The following PCDHGB7 variants were observed in gnomAD, a reference collection of about 807,000 sequenced individuals.
The protein encoded by PCDHGB7 is protocadherin gamma subfamily B, 7, also known as protocadherin gamma-B7.
A neutral mutation model predicts 61.4 loss-of-function variants in PCDHGB7; 37 were observed. That is an observed-to-expected ratio of 0.60 (90% CI 0.46 to 0.79). The LOEUF (loss-of-function observed/expected upper bound fraction) is 0.79, where lower values mean the gene tolerates loss of function less well. PCDHGB7 is among the 30% of genes least tolerant of loss of function. The pLI, the probability that PCDHGB7 is intolerant of heterozygous loss-of-function variation, is 0.00. For synonymous variants in PCDHGB7, 464 were observed against 503.5 expected (o/e 0.92, Z 1.05); for missense variants, 1,166 against 1,202.5 (o/e 0.97, Z 0.45).
At chr5:141,505,245 A>G (rs530515894) in intron 2 of PCDHGB7, 148 bp from the exon 3 acceptor site, 294 of 1,430,832 alleles carry the variant, frequency 2.1e-4, no homozygotes, top group Admixed American at 1.8e-3. Flanking sequence ...GAAGGATTGT[A>G]GAAGTGCCTC....
intron 1 of PCDHGB7, among the ~76,000 whole-genome samples, chr5:141,456,854 T>C (rs924765803): frequency 7.2e-5 from 11 of 151,950 alleles, no homozygotes; most frequent in Non-Finnish European, 1.3e-4. Context: ...TCCCAGCTAA[T>C]TGGGAGGCTG....
chr5:141,485,070 G>T lies in PCDHGB7; in HGVS notation c.2416-9737G>T. ...CGCCGGCCGAACCGCGCCAGAGCTG[G>T]CGCGGGGAAAGGGAGATAGGTGTCT... On this transcript the variant is annotated intron_variant, in intron 1 of 3. Coordinates refer to ENST00000398594, the MANE Select transcript of PCDHGB7 (RefSeq NM_018927.4). This position sits in a 1 kb window ranked among gnomAD's most constrained non-coding sequence, Gnocchi z 5.7. 1.1e-6 allele frequency: 1 copy of T among 908,406 alleles called. No individual in the cohort carries two copies. Among genetic ancestry groups the T allele is most frequent in the East Asian group, 2.4e-5 (1 of 41,326 alleles). 56.3% of individuals were successfully genotyped at this position (908,406 alleles called of 1,614,324 possible).
At position 141,487,447 on chromosome 5, in the gene PCDHGB7, C is replaced by A. The variant is rs758411138; in HGVS notation, c.2416-7360C>A. 4.3e-6 allele frequency: 7 copies of A among 1,614,182 alleles called. No homozygotes were observed. The highest frequency in any genetic ancestry group is 5.9e-6 in the Non-Finnish European group (7 of 1,180,028). Reference sequence around the variant, plus strand: ...TCCGAATCCAGCTAGGGTCAGATGACCCTATCAAGTTTGTTGATGTGGGAG... The same window carrying A: ...TCCGAATCCAGCTAGGGTCAGATGAACCTATCAAGTTTGTTGATGTGGGAG... On this transcript the variant is annotated intron_variant, in intron 1 of 3. Coordinates refer to ENST00000398594, the MANE Select transcript of PCDHGB7 (RefSeq NM_018927.4). The surrounding 1 kb of genome is among the most constrained non-coding windows in gnomAD (Gnocchi z 5.0).
intron 2 of PCDHGB7, among the ~76,000 whole-genome samples, chr5:141,504,118 G>A (rs948008198): frequency 6.6e-6 from 1 of 152,096 alleles, no homozygotes; most frequent in African/African-American, 2.4e-5. Flanking sequence ...GTGTGCCAGG[G>A]CTGTTTCCCG....
Position 141,419,139 on chromosome 5 carries a change from G to C in PCDHGB7, c.1280G>C (p.Arg427Thr). Reference sequence around the variant, plus strand: ...AACGTCACCATCGCAGCCACAGACAGGGGCAAGCCTCCGTTATCCTCCAGC... The same window carrying C: ...AACGTCACCATCGCAGCCACAGACACGGGCAAGCCTCCGTTATCCTCCAGC... ...EYNVTIAATD[R>T]GKPPLSSSKT... Residue 427 changes from arginine to threonine, a missense_variant, in exon 1 of 4, where the codon AGG becomes ACG. Coordinates refer to ENST00000398594, the MANE Select transcript of PCDHGB7 (RefSeq NM_018927.4). 1 of 1,613,916 alleles carries C rather than the reference G, an allele frequency of 6.2e-7. No individual in the cohort carries two copies. Among genetic ancestry groups the C allele is most frequent in the South Asian group, 1.1e-5 (1 of 91,082 alleles).
At position 141,419,043 on chromosome 5, in the gene PCDHGB7, A is replaced by G. The variant is rs1561777660; in HGVS notation, c.1184A>G (p.His395Arg). ...AGTAGAGGTGTTCCATTTAAGATTC[A>G]TTCTTCTTCTAATAATTACTACAAG... The part of the protein sequence containing the change: ...SLSRGVPFKI[H>R]SSSNNYYKLV... Residue 395 changes from histidine to arginine, a missense_variant, in exon 1 of 4, where the codon CAT (histidine) becomes CGT (arginine). His to Arg is a conservative substitution (Grantham distance 29). Coordinates refer to ENST00000398594, the MANE Select transcript of PCDHGB7 (RefSeq NM_018927.4). 3.1e-6 allele frequency: 5 copies of G among 1,613,958 alleles called. No individual in the cohort carries two copies.
chr5:141,440,618 C>G (rs1287745652), intron 1 of PCDHGB7: 3 of 152,196 alleles, frequency 2.0e-5, no homozygotes, highest in South Asian at 2.1e-4. Context: ...GCAGAAGATC[C>G]TGATGTTGAG....
Position 141,489,576 on chromosome 5 carries a change from C to G in PCDHGB7, c.2416-5231C>G. 6.2e-7 allele frequency: 1 copy of G among 1,614,054 alleles called. No individual in the cohort carries two copies. Among genetic ancestry groups the G allele is most frequent in the Non-Finnish European group, 8.5e-7 (1 of 1,179,976 alleles). On this transcript the variant is annotated intron_variant, in intron 1 of 3. Coordinates refer to ENST00000398594, the MANE Select transcript of PCDHGB7 (RefSeq NM_018927.4). This position sits in a 1 kb window ranked among gnomAD's most constrained non-coding sequence, Gnocchi z 4.5. ...TGCCAGTGCAGGTGGTGACTGAACA[C>G]CCCCTGGAGCTAATCCGTGTAGAGG...
At position 141,477,210 on chromosome 5, in the gene PCDHGB7, C is replaced by A. The variant is rs780852225; in HGVS notation, c.2416-17597C>A. On this transcript the variant is annotated intron_variant, in intron 1 of 3. Transcript: ENST00000398594. This position sits in a 1 kb window ranked among gnomAD's most constrained non-coding sequence, Gnocchi z 4.9. ...GTGTACAGCCCAGTACCCGAGGATG[C>A]CCCTCTGGGGACTGTCATCGCTTTG... The A allele has an allele frequency of 6.2e-7, 1 of 1,614,142 alleles. No homozygotes were observed. The highest frequency in any genetic ancestry group is 8.5e-7 in the Non-Finnish European group (1 of 1,180,030).
Position 141,476,944 on chromosome 5 carries a change from C to T in PCDHGB7, c.2416-17863C>T, listed in dbSNP as rs1360022622. The T allele has an allele frequency of 3.3e-5, 53 of 1,614,072 alleles. No homozygotes were observed. The highest frequency in any genetic ancestry group is 4.1e-5 in the Non-Finnish European group (48 of 1,180,052). ...CAACGGATCTGGATGAAGGCCCCAACGGTGAAATTATTTACTCCTTCGGCA... is the reference window on the plus strand; with the variant it reads ...CAACGGATCTGGATGAAGGCCCCAATGGTGAAATTATTTACTCCTTCGGCA... On this transcript the variant is annotated intron_variant, in intron 1 of 3. Transcript: ENST00000398594. The surrounding 1 kb of genome is among the most constrained non-coding windows in gnomAD (Gnocchi z 7.6).
At chr5:141,451,712 C>G (rs769620335) in intron 1 of PCDHGB7, among the ~76,000 whole-genome samples, 2 of 151,994 alleles carry the variant, frequency 1.3e-5, no homozygotes, top group African/African-American at 4.8e-5. Context: ...CAAAACCCTG[C>G]CTCTACTAAA....
At chr5:141,496,693 C>T (rs2099770546) in intron 2 of PCDHGB7, among the ~76,000 whole-genome samples, 1 of 152,164 alleles carries the variant, frequency 6.6e-6, no homozygotes, top group South Asian at 2.1e-4. Context: ...CCTTGCCAAC[C>T]TTCTCATAAG....
rs1460175237 is a variant in PCDHGB7, at chr5:141,485,185, G to A, written c.2416-9622G>A. ...AGCGGGCGGCAGCAATGCTCCGCAAGGTGAGAAGCTGGACAGAAATCTGGC... is the reference window on the plus strand; with the variant it reads ...AGCGGGCGGCAGCAATGCTCCGCAAAGTGAGAAGCTGGACAGAAATCTGGC... On this transcript the variant is annotated intron_variant, in intron 1 of 3. Transcript: ENST00000398594. This position sits in a 1 kb window ranked among gnomAD's most constrained non-coding sequence, Gnocchi z 5.7. 3.1e-6 allele frequency: 5 copies of A among 1,613,528 alleles called. No individual in the cohort carries two copies. Among genetic ancestry groups the A allele is most frequent in the African/African-American group, 2.7e-5 (2 of 75,052 alleles).
rs1360494290 is a variant in PCDHGB7 at position 141,433,285 on chromosome 5, C to T, written c.2415+13011C>T. On this transcript the variant is annotated intron_variant, in intron 1 of 3. Coordinates refer to ENST00000398594, the MANE Select transcript of PCDHGB7 (RefSeq NM_018927.4). ...CATAGCTCACTGCAGCCTCAAACTCCTAGGCTCAAGCAATTATCCCACCTT... is the reference window on the plus strand; with the variant it reads ...CATAGCTCACTGCAGCCTCAAACTCTTAGGCTCAAGCAATTATCCCACCTT... The T allele has an allele frequency of 6.8e-6, 8 of 1,169,708 alleles. No individual in the cohort carries two copies. In the East Asian group the frequency reaches 1.7e-4, roughly 25 times the overall value. The allele number at this position is 1,169,708 out of a possible 1,614,324, so 72.5% of individuals were successfully genotyped here. A position where few individuals can be genotyped will look rare whatever the true frequency, so the allele number is the denominator to read the frequency against.
intron 1 of PCDHGB7, among the ~76,000 whole-genome samples, chr5:141,433,809 C>A (rs913637407): frequency 5.3e-5 from 8 of 149,948 alleles, no homozygotes; most frequent in Non-Finnish European, 1.2e-4. Flanking sequence ...TGCACTCCAG[C>A]CTGGGCAACA....
rs1434955829 is a variant in PCDHGB7, at chr5:141,431,361, A to G, written c.2415+11087A>G. 3 of 1,614,002 alleles carry G rather than the reference A, an allele frequency of 1.9e-6. No homozygotes were observed. The highest frequency in any genetic ancestry group is 2.5e-6 in the Non-Finnish European group (3 of 1,180,034). On this transcript the variant is annotated intron_variant, in intron 1 of 3. Transcript: ENST00000398594. The surrounding 1 kb of genome is among the most constrained non-coding windows in gnomAD (Gnocchi z 4.8). ...GAATTGGTGCTGAAACGCGCCCTGG[A>G]CCGCGAAGAAAAGGCTGCTCACCAC...
intron 1 of PCDHGB7, chr5:141,440,191 A>G (rs1239698049): frequency 1.3e-5 from 2 of 152,376 alleles, no homozygotes; most frequent in African/African-American, 4.8e-5. Context: ...GTTGAAGGCC[A>G]GGCATGGTGG....
In PCDHGB7 at chr5:141,509,418, A is replaced by G. The variant is rs767758113; in HGVS notation, c.2564-1529A>G. Among the ~76,000 whole-genome samples the G allele has an allele frequency of 2.6e-5, 4 of 152,188 alleles. No individual in the cohort carries two copies. The South Asian group carries it at 6.2e-4, about 24-fold the overall frequency. ...TCAGGGCCTCCAGCAGCGAGCCCCA[A>G]TGAGTCAAACTCTTGTTTCCTCCTC... On this transcript the variant is annotated intron_variant, in intron 3 of 3. Transcript: ENST00000398594.
At chr5:141,508,835 C>T (rs1190105775) in intron 3 of PCDHGB7, among the ~76,000 whole-genome samples, 12 of 152,158 alleles carry the variant, frequency 7.9e-5, no homozygotes, top group African/African-American at 2.9e-4. Flanking sequence ...CCCCCCTCCC[C>T]TACCCCTTCC....
Sources: allele counts gnomAD v4.1 joint callset (sites outside exome capture counted in the v4.1 genomes callset), GRCh38; gene constraint gnomAD v4.1.1; non-coding constraint Gnocchi (gnomAD v3.1); transcripts MANE v1.5; gene names NCBI Gene and HGNC (gene_info 2026-07-23, HGNC 2026-07-21).